Variants in GALNT18 observed in about 807,000 individuals in gnomAD.
The protein encoded by GALNT18 is GalNAc-transferase 18.
GALNT18 carries 44 observed loss-of-function variants against 69.5 expected under a neutral mutation model. That is an observed-to-expected ratio of 0.63 (90% confidence interval 0.50 to 0.81). GALNT18 has a LOEUF of 0.81. Among genes scored for constraint, GALNT18 ranks in the 40% least tolerant of loss-of-function variants. The pLI is 0.00. For missense variants in GALNT18, 715 were observed against 810.0 expected, an observed-to-expected ratio of 0.88 and a Z score of 1.42; for synonymous variants, 364 against 318.2, an observed-to-expected ratio of 1.14 and a Z score of -1.53.
Position 11,538,751 on chromosome 11 carries a change from T to C in GALNT18, c.235+82608A>G, listed in dbSNP as rs1015607848. ...TTTGGAAGGATTAAGTGAGGCGCCA[T>C]CTGGGAAGCACCTGGCCCCAGGGCC... On this transcript the variant is annotated intron_variant, in intron 1 of 10. Coordinates refer to ENST00000227756, the MANE Select transcript of GALNT18 (RefSeq NM_198516.3). The surrounding 1 kb of genome is among the most constrained non-coding windows in gnomAD (Gnocchi z 5.2). 2.0e-5 allele frequency among the ~76,000 whole-genome samples: 3 copies of C among 152,094 alleles called. No individual in the cohort carries two copies. Among genetic ancestry groups the C allele is most frequent in the Non-Finnish European group, 4.4e-5 (3 of 68,006 alleles).
chr11:11,580,726 G>A (rs117734833), intron 1 of GALNT18, among the ~76,000 whole-genome samples: 7 of 152,300 alleles, frequency 4.6e-5, no homozygotes, highest in East Asian at 1.9e-4. Flanking sequence ...CCACACCAAG[G>A]GTCATCACAC....
chr11:11,589,421 A>C (rs1353098668), intron 1 of GALNT18, among the ~76,000 whole-genome samples: 1 of 152,232 alleles, frequency 6.6e-6, no homozygotes, highest in East Asian at 1.9e-4. Flanking sequence ...CCACATTCCA[A>C]GAGCATCTTC....
At chr11:11,451,802 A>G (rs1855805981) in intron 1 of GALNT18, among the ~76,000 whole-genome samples, 1 of 152,158 alleles carries the variant, frequency 6.6e-6, no homozygotes, top group South Asian at 2.1e-4. Context: ...ATGAAACCAA[A>G]AGTGAAAAGG....
rs536840049 is a variant in GALNT18, at chr11:11,390,725, G to T, written c.596-11461C>A. Among the ~76,000 whole-genome samples the T allele has an allele frequency of 1.0e-3, 153 of 152,256 alleles. 1 individual carries two copies. Among genetic ancestry groups the T allele is most frequent in the African/African-American group, 3.2e-3 (133 of 41,550 alleles). ...CCAGCAATGTATTCTCAAAGGGAGG[G>T]GTCCCATGAAGGACCAGTGAAAAAG... On this transcript the variant is annotated intron_variant, in intron 3 of 10. Transcript: ENST00000227756.
intron 7 of GALNT18, among the ~76,000 whole-genome samples, chr11:11,334,358 T>A (rs1476877101): frequency 6.6e-6 from 1 of 151,956 alleles, no homozygotes; most frequent in Non-Finnish European, 1.5e-5. Context: ...CTGCCGAACA[T>A]GGTGAAACCC....
chr11:11,434,424 C>T (rs1018829957), intron 2 of GALNT18, among the ~76,000 whole-genome samples: 26 of 152,170 alleles, frequency 1.7e-4, no homozygotes, highest in Non-Finnish European at 3.7e-4. Flanking sequence ...AGGAAGTGGA[C>T]ACAGTCCCAC....
chr11:11,585,803 T>G (rs1207547022), intron 1 of GALNT18, among the ~76,000 whole-genome samples: 2 of 2,650 alleles, frequency 7.5e-4, no homozygotes, highest in African/African-American at 1.3e-3. Context: ...CTCAATAAGT[T>G]TTTTTTTTTT....
intron 10 of GALNT18, among the ~76,000 whole-genome samples, chr11:11,275,540 G>A (rs899052989): frequency 6.6e-6 from 1 of 152,294 alleles, no homozygotes; most frequent in Middle Eastern, 3.4e-3. Context: ...AGTTTAATTA[G>A]ATCCCATTTG....
intron 3 of GALNT18, among the ~76,000 whole-genome samples, chr11:11,419,775 C>T (rs1854958560): frequency 6.7e-6 from 1 of 148,872 alleles, no homozygotes; most frequent in Admixed American, 6.6e-5. Context: ...GCCTTTACGT[C>T]TCCTCCCTAA....
intron 1 of GALNT18, among the ~76,000 whole-genome samples, chr11:11,566,628 G>C (rs1312648121): frequency 6.6e-6 from 1 of 152,186 alleles, no homozygotes; most frequent in East Asian, 1.9e-4. Context: ...TAGAAAGAAA[G>C]ATAAGAGAAA....
At chr11:11,312,045 C>T (rs1849681220) in intron 9 of GALNT18, among the ~76,000 whole-genome samples, 1 of 152,222 alleles carries the variant, frequency 6.6e-6, no homozygotes. Context: ...CAAGCTCTAC[C>T]TCCCGGGTTC....
At position 11,573,297 on chromosome 11, in the gene GALNT18, G is replaced by A. The variant is rs540226301; in HGVS notation, c.235+48062C>T. On this transcript the variant is annotated intron_variant, in intron 1 of 10. Coordinates refer to ENST00000227756, the MANE Select transcript of GALNT18 (RefSeq NM_198516.3). The surrounding 1 kb of genome is among the most constrained non-coding windows in gnomAD (Gnocchi z 4.6). Reference sequence around the variant, plus strand: ...GAGCTCTCTGTCCCCGGGTGGGGCCGCAGCATCACAGTGCCTGTGGGAAGG... The same window carrying A: ...GAGCTCTCTGTCCCCGGGTGGGGCCACAGCATCACAGTGCCTGTGGGAAGG... Among the ~76,000 whole-genome samples the A allele has an allele frequency of 3.9e-5, 6 of 152,294 alleles. No homozygotes were observed. In the South Asian group the frequency reaches 6.2e-4, roughly 16 times the overall value.
chr11:11,342,157 C>T (rs1850220030), intron 6 of GALNT18, among the ~76,000 whole-genome samples: 1 of 152,134 alleles, frequency 6.6e-6, no homozygotes, highest in African/African-American at 2.4e-5. Flanking sequence ...ATATCTCACT[C>T]ACTCACCTAA....
intron 3 of GALNT18, among the ~76,000 whole-genome samples, chr11:11,385,753 G>A (rs1420897856): frequency 6.6e-6 from 1 of 152,132 alleles, no homozygotes; most frequent in Non-Finnish European, 1.5e-5. Flanking sequence ...TGGGTGAACT[G>A]AATTTTATCC....
chr11:11,465,955 A>G lies in GALNT18; in HGVS notation c.236-17019T>C, dbSNP rs1170840128. ...TCTCCCAGATGTGGATGTGAGCCAA[A>G]GTCAGGGCCCAAAGGAACCACAGGA... On this transcript the variant is annotated intron_variant, in intron 1 of 10. Transcript: ENST00000227756. The surrounding 1 kb of genome is among the most constrained non-coding windows in gnomAD (Gnocchi z 5.7). Among the ~76,000 whole-genome samples, 1 of 152,178 alleles carries G rather than the reference A, an allele frequency of 6.6e-6. No individual in the cohort carries two copies. Among genetic ancestry groups the G allele is most frequent in the African/African-American group, 2.4e-5 (1 of 41,442 alleles).
At chr11:11,393,461 G>C (rs945578947) in intron 3 of GALNT18, among the ~76,000 whole-genome samples, 6 of 152,260 alleles carry the variant, frequency 3.9e-5, no homozygotes, top group African/African-American at 1.4e-4. Context: ...CAGAGTCTAA[G>C]GCTAAAGGCA....
At chr11:11,302,594 A>G (rs564364752) in intron 9 of GALNT18, among the ~76,000 whole-genome samples, 1 of 152,308 alleles carries the variant, frequency 6.6e-6, no homozygotes, top group African/African-American at 2.4e-5. Context: ...ACACGCTGCC[A>G]TGGGACAGAT....
chr11:11,355,112 C>T (rs936615837), intron 6 of GALNT18, among the ~76,000 whole-genome samples: 3 of 152,184 alleles, frequency 2.0e-5, no homozygotes, highest in Admixed American at 1.3e-4. Flanking sequence ...CCCTTCAATC[C>T]GTATTGCCCT....
rs1300690834 is a variant in GALNT18, at chr11:11,480,109, C to T, written c.236-31173G>A. On this transcript the variant is annotated intron_variant, in intron 1 of 10. Transcript: ENST00000227756. The surrounding 1 kb of genome is among the most constrained non-coding windows in gnomAD (Gnocchi z 4.6). ...GAAAATACTGCTATTTGTCACCTTC[C>T]CTACCTTGAGCTTCAACTTCCTTTT... 6.6e-6 allele frequency among the ~76,000 whole-genome samples: 1 copy of T among 152,018 alleles called. No individual in the cohort carries two copies. The highest frequency in any genetic ancestry group is 2.4e-5 in the African/African-American group (1 of 41,388).
Sources: gnomAD v4.1 joint callset for allele counts (sites outside exome capture counted in the v4.1 genomes callset) on GRCh38, gnomAD v4.1.1 for gene constraint, Gnocchi (gnomAD v3.1) non-coding constraint, MANE v1.5 for transcripts, NCBI Gene and HGNC (gene_info 2026-07-23, HGNC 2026-07-21) for gene names.